Variants in AGBL1 observed in about 807,000 individuals in gnomAD.
AGBL1 encodes AGBL carboxypeptidase 1.
A neutral mutation model predicts 118.9 loss-of-function variants in AGBL1; 130 were observed. The observed-to-expected ratio is 1.09, with a 90% CI of 0.95 to 1.26. The LOEUF (loss-of-function observed/expected upper bound fraction) is 1.26, where lower values mean the gene tolerates loss of function less well. AGBL1 is among the 50% of genes most tolerant of loss of function. The pLI is 0.00. For missense variants in AGBL1, 1,584 were observed against 1,298.1 expected (o/e 1.22, Z -3.38); for synonymous variants, 555 against 478.9 (o/e 1.16, Z -2.08).
At chr15:86,886,810 G>A (rs1480393105) in intron 22 of AGBL1, among the ~76,000 whole-genome samples, 1 of 152,158 alleles carries the variant, frequency 6.6e-6, no homozygotes, top group Non-Finnish European at 1.5e-5. Context: ...CGTATTTGAG[G>A]AGAGGTGAGA....
intron 3 of AGBL1, among the ~76,000 whole-genome samples, chr15:86,152,023 A>C (rs1431603455): frequency 2.0e-5 from 3 of 152,236 alleles, no homozygotes; most frequent in Non-Finnish European, 4.4e-5. Flanking sequence ...AAAAGAGGAC[A>C]CAAACAAATG....
chr15:86,347,392 C>T (rs1270409649), intron 17 of AGBL1, among the ~76,000 whole-genome samples: 2 of 152,162 alleles, frequency 1.3e-5, no homozygotes, highest in African/African-American at 2.4e-5. Context: ...TATCTTGCTA[C>T]CTGTAACAAC....
At chr15:86,985,578 G>C (rs2081273025) in intron 23 of AGBL1, among the ~76,000 whole-genome samples, 1 of 151,604 alleles carries the variant, frequency 6.6e-6, no homozygotes, top group Admixed American at 6.6e-5. Flanking sequence ...TGTTATATTG[G>C]GTTGTTTGCG....
chr15:86,519,975 C>A (rs753980542), intron 18 of AGBL1, among the ~76,000 whole-genome samples: 75 of 152,098 alleles, frequency 4.9e-4, no homozygotes, highest in African/African-American at 1.2e-3. Flanking sequence ...TAGATGAATT[C>A]TTTTCTGTTC....
chr15:86,254,362 T>C (rs2078862138), intron 7 of AGBL1, among the ~76,000 whole-genome samples: 1 of 152,244 alleles, frequency 6.6e-6, no homozygotes, highest in South Asian at 2.1e-4. Context: ...GAGAAGTGTA[T>C]TAATTTGCCA....
rs564351525 is a variant in AGBL1 at position 86,626,383 on chromosome 15, T to C, written c.2995-47890T>C. ...GAACATGGATGGAGCTGGAGGTCATTATCCCTAGCAAACTAATGCGGTAAC... is the reference window on the plus strand; with the variant it reads ...GAACATGGATGGAGCTGGAGGTCATCATCCCTAGCAAACTAATGCGGTAAC... On this transcript the variant is annotated intron_variant, in intron 21 of 22. Transcript: ENST00000614907. Among the ~76,000 whole-genome samples, 3 of 152,256 alleles carry C rather than the reference T, an allele frequency of 2.0e-5. No individual in the cohort carries two copies. In the South Asian group the frequency reaches 6.2e-4, roughly 32 times the overall value.
At chr15:86,431,002 A>C (rs1466315228) in intron 18 of AGBL1, among the ~76,000 whole-genome samples, 2 of 152,230 alleles carry the variant, frequency 1.3e-5, no homozygotes, top group Non-Finnish European at 2.9e-5. Context: ...GATGGTAAGT[A>C]ACTTACTCAA....
intron 5 of AGBL1, among the ~76,000 whole-genome samples, chr15:86,159,902 C>A (rs570148445): frequency 1.3e-5 from 2 of 152,030 alleles, no homozygotes; most frequent in African/African-American, 4.8e-5. Flanking sequence ...CAGCTCTCTA[C>A]ACCAAGCATT....
At chr15:86,491,430 C>T (rs575818860) in intron 18 of AGBL1, among the ~76,000 whole-genome samples, 315 of 152,198 alleles carry the variant, frequency 2.1e-3, no homozygotes, top group Non-Finnish European at 2.4e-3. Flanking sequence ...CTGACTCTAT[C>T]CAGAGAGCTC....
chr15:86,735,653 G>GATATATATATATATAT (rs1460820444), intron 22 of AGBL1, among the ~76,000 whole-genome samples: 222 of 143,072 alleles, frequency 1.6e-3, no homozygotes, highest in Non-Finnish European at 1.8e-3. Flanking sequence ...GCTACAAAGA[G>GATATATATATATATAT]AGATATATAT....
At chr15:86,158,667 C>G (rs1173863818) in intron 4 of AGBL1, among the ~76,000 whole-genome samples, 2 of 152,140 alleles carry the variant, frequency 1.3e-5, no homozygotes, top group Non-Finnish European at 2.9e-5. Context: ...GCCAAAAAGG[C>G]AAAAACTTCC....
intron 21 of AGBL1, among the ~76,000 whole-genome samples, chr15:86,568,039 A>G (rs568398117): frequency 1.3e-5 from 2 of 152,136 alleles, no homozygotes; most frequent in Non-Finnish European, 2.9e-5. Context: ...ATGAAGTCTC[A>G]AATTCTCCTT....
At chr15:86,832,326 T>C (rs1332714423) in intron 22 of AGBL1, among the ~76,000 whole-genome samples, 1 of 152,240 alleles carries the variant, frequency 6.6e-6, no homozygotes, top group Non-Finnish European at 1.5e-5. Flanking sequence ...GTTTTTCTTT[T>C]CTACTCCATC....
chr15:86,542,608 TC>T (rs768896828), intron 19 of AGBL1, among the ~76,000 whole-genome samples: 13 of 152,074 alleles, frequency 8.5e-5, no homozygotes, highest in Non-Finnish European at 1.5e-4. Context: ...CCTCAGGTGA[TC>T]TACCTGGCTC....
intron 22 of AGBL1, among the ~76,000 whole-genome samples, chr15:86,846,216 T>C (rs2079315023): frequency 6.6e-6 from 1 of 152,202 alleles, no homozygotes; most frequent in African/African-American, 2.4e-5. Context: ...AAGCACTCTC[T>C]CAAGCTTTGA....
In AGBL1 at chr15:86,345,361, C is replaced by T. The variant is rs909033475; in HGVS notation, c.2374+49953C>T. On this transcript the variant is annotated intron_variant, in intron 17 of 22. Transcript: ENST00000614907. The stretch of plus-strand genomic sequence containing the variant: ...GTTTGTGGCACCAATAGTGCATCAG[C>T]GAGCAACATTAATTATGCACCTACT... 3.3e-5 allele frequency among the ~76,000 whole-genome samples: 5 copies of T among 152,208 alleles called. No homozygotes were observed. In the East Asian group the frequency reaches 5.8e-4, roughly 18 times the overall value.
chr15:86,236,949 G>GGCC (rs2078558849), intron 6 of AGBL1, among the ~76,000 whole-genome samples: 1 of 17,074 alleles, frequency 5.9e-5, no homozygotes, highest in African/African-American at 2.2e-4. Flanking sequence ...GGGCGGGGGG[G>GGCC]GGCGGGGGGG....
chr15:86,861,739 A>C (rs2079561343), intron 22 of AGBL1, among the ~76,000 whole-genome samples: 1 of 152,240 alleles, frequency 6.6e-6, no homozygotes, highest in African/African-American at 2.4e-5. Flanking sequence ...CAATGTCCTC[A>C]GTATGCCACC....
chr15:86,801,988 A>G (rs2078656644), intron 22 of AGBL1, among the ~76,000 whole-genome samples: 2 of 152,128 alleles, frequency 1.3e-5, no homozygotes, highest in Non-Finnish European at 2.9e-5. Flanking sequence ...ACTTGGGAAG[A>G]ATTAAACTTT....
Sources: allele counts gnomAD v4.1 joint callset (sites outside exome capture counted in the v4.1 genomes callset), GRCh38; gene constraint gnomAD v4.1.1; transcripts MANE v1.5; gene names NCBI Gene and HGNC (gene_info 2026-07-23, HGNC 2026-07-21).